ATL2: variants seen among roughly 807,000 people sequenced by gnomAD.
ATL2 encodes the protein atlastin-2.
A neutral mutation model predicts 73.9 loss-of-function variants in ATL2; 31 were observed. The ratio of observed to expected loss-of-function variants is 0.42; its 90% CI spans 0.32 to 0.57. The LOEUF (loss-of-function observed/expected upper bound fraction) is 0.57. Ranked by LOEUF, ATL2 falls within the 20% of genes least tolerant of loss-of-function variation. ATL2 has a pLI of 0.14. For synonymous variants in ATL2, 291 were observed against 237.5 expected, an observed-to-expected ratio of 1.23 and a Z score of -2.07; for missense variants, 738 against 702.6, an observed-to-expected ratio of 1.05 and a Z score of -0.57.
chr2:38,331,867 C>T (rs1271471930), intron 2 of ATL2, among the ~76,000 whole-genome samples: 2 of 151,564 alleles, frequency 1.3e-5, no homozygotes, highest in Non-Finnish European at 2.9e-5. Context: ...ATGTAATTAA[C>T]ATTATATATT....
chr2:38,366,340 A>G (rs1671330406), intron 1 of ATL2, among the ~76,000 whole-genome samples: 1 of 152,232 alleles, frequency 6.6e-6, no homozygotes, highest in Non-Finnish European at 1.5e-5. Flanking sequence ...CTATTTGGCT[A>G]CAGGAAAATA....
Position 38,319,035 on chromosome 2 carries a change from A to G in ATL2, c.364-16T>C. The G allele has an allele frequency of 6.2e-7, 1 of 1,607,164 alleles. No individual in the cohort carries two copies. The highest frequency in any genetic ancestry group is 1.7e-4 in the Middle Eastern group (1 of 6,038). On this transcript the variant is annotated splice_polypyrimidine_tract_variant and intron_variant, in intron 2 of 12. Coordinates refer to ENST00000378954, the MANE Select transcript of ATL2 (RefSeq NM_001135673.4). ...TTTGAGAATCCTGTTAAAGTCAAGGATAAATGTAAAATACAACACAATTAA... is the reference window on the plus strand; with the variant it reads ...TTTGAGAATCCTGTTAAAGTCAAGGGTAAATGTAAAATACAACACAATTAA...
rs948139375 is a variant in ATL2, at chr2:38,376,308, G to A, written c.118+835C>T. ...GCGCTGCCAACGCAACTGCGTCTTC[G>A]AGGGGGCAGGGGCGCTCCTGGTACA... On this transcript the variant is annotated intron_variant, in intron 1 of 12. Transcript: ENST00000378954. 3.8e-6 allele frequency: 5 copies of A among 1,305,770 alleles called. No homozygotes were observed. The Admixed American group carries it at 1.2e-4, about 30-fold the overall frequency. The allele number at this position is 1,305,770 out of a possible 1,614,324, so 80.9% of individuals were successfully genotyped here. A position where few individuals can be genotyped will look rare whatever the true frequency, so the allele number is the denominator to read the frequency against.
At chr2:38,357,752 C>G (rs1249022167) in intron 1 of ATL2, among the ~76,000 whole-genome samples, 1 of 150,300 alleles carries the variant, frequency 6.7e-6, no homozygotes, top group East Asian at 1.9e-4. Flanking sequence ...ATAGAACATA[C>G]ATATACACCC....
At chr2:38,370,153 A>G (rs1671589535) in intron 1 of ATL2, among the ~76,000 whole-genome samples, 1 of 142,478 alleles carries the variant, frequency 7.0e-6, no homozygotes, top group Non-Finnish European at 1.5e-5. Flanking sequence ...ACTCCGTCAA[A>G]AAAAAAAAAA....
Position 38,310,339 on chromosome 2 carries a change from T to C in ATL2, c.913A>G (p.Thr305Ala), listed in dbSNP as rs138223839. The C allele has an allele frequency of 8.3e-5, 134 of 1,612,708 alleles. 1 individual carries two copies. Among genetic ancestry groups the C allele is most frequent in the Non-Finnish European group, 1.0e-4 (121 of 1,179,628 alleles). The change falls in exon 8 of 13, where the codon ACT becomes GCT. Residue 305 changes from threonine (T) to alanine (A), a missense_variant. Thr to Ala is a moderately conservative substitution (Grantham distance 58). Transcript: ENST00000378954. The stretch of plus-strand genomic sequence containing the variant: ...AATCTCCCATCAAAACTAGGATTAG[T>C]TGCAACTTTAAGACCAGGATGTGGC... ...LLPHPGLKVA[T>A]NPSFDGRLKD...
chr2:38,322,080 C>T (rs1480200752), intron 2 of ATL2, among the ~76,000 whole-genome samples: 5 of 151,974 alleles, frequency 3.3e-5, no homozygotes, highest in Non-Finnish European at 7.4e-5. Context: ...TTGTGAGTCT[C>T]TTGAGAGCAA....
At chr2:38,348,148 T>C (rs949714957) in intron 1 of ATL2, among the ~76,000 whole-genome samples, 8 of 152,036 alleles carry the variant, frequency 5.3e-5, no homozygotes, top group African/African-American at 1.7e-4. Flanking sequence ...GTATTAAGTA[T>C]ACGTAACACA....
intron 2 of ATL2, among the ~76,000 whole-genome samples, chr2:38,324,856 G>A (rs1346259225): frequency 6.6e-6 from 1 of 152,222 alleles, no homozygotes; most frequent in Non-Finnish European, 1.5e-5. Flanking sequence ...ACAGAAAGTA[G>A]AATGGTGGAT....
intron 2 of ATL2, among the ~76,000 whole-genome samples, chr2:38,331,045 G>A (rs761312049): frequency 6.6e-6 from 1 of 152,320 alleles, no homozygotes; most frequent in Non-Finnish European, 1.5e-5. Context: ...GCTCACGCCT[G>A]TAATCCTAGC....
chr2:38,324,170 C>T lies in ATL2; in HGVS notation c.364-5151G>A, dbSNP rs531591127. On this transcript the variant is annotated intron_variant, in intron 2 of 12. Coordinates refer to ENST00000378954, the MANE Select transcript of ATL2 (RefSeq NM_001135673.4). ...GTGCATGCCTGTAATCTCAGCTACT[C>T]GGGAGGCTGAGGCAGGAAAATCGCT... is the stretch of plus-strand genomic sequence containing the variant. 6.2e-4 allele frequency among the ~76,000 whole-genome samples: 94 copies of T among 152,192 alleles called. 1 individual carries two copies. The highest frequency in any genetic ancestry group is 2.2e-3 in the African/African-American group (91 of 41,524).
At chr2:38,360,115 C>T (rs1573573147) in intron 1 of ATL2, among the ~76,000 whole-genome samples, 1 of 111,516 alleles carries the variant, frequency 9.0e-6, no homozygotes, top group Non-Finnish European at 1.7e-5. Flanking sequence ...CTGGGCAGAG[C>T]AAGGCTCCAT....
rs778821586 is a variant in ATL2 at position 38,352,133 on chromosome 2, CAAAA to C, written c.119-8625_119-8622del. On this transcript the variant is annotated intron_variant, in intron 1 of 12. Coordinates refer to ENST00000378954, the MANE Select transcript of ATL2 (RefSeq NM_001135673.4). ...TTCAAAAACAAACAAAAACAACAAC[CAAAA>C]AAAAAAAAAAAAAAAAAAAAAAACC... 6.9e-3 allele frequency among the ~76,000 whole-genome samples: 220 copies of C among 31,994 alleles called. 2 individuals carry two copies. Among genetic ancestry groups the C allele is most frequent in the Middle Eastern group, 0.018 (1 of 56 alleles). 21.0% of individuals were successfully genotyped at this position (31,994 alleles called of 152,430 possible). A position where few individuals can be genotyped will look rare whatever the true frequency, so the allele number is the denominator to read the frequency against.
chr2:38,328,863 G>GA (rs1668815182), intron 2 of ATL2, among the ~76,000 whole-genome samples: 1 of 151,078 alleles, frequency 6.6e-6, no homozygotes. Flanking sequence ...AATCACAACA[G>GA]AAAAAACAAA....
chr2:38,369,582 G>C (rs562916760), intron 1 of ATL2, among the ~76,000 whole-genome samples: 1 of 150,958 alleles, frequency 6.6e-6, no homozygotes, highest in Non-Finnish European at 1.5e-5. Flanking sequence ...CACCATGCTC[G>C]GCCAATTTTT....
chr2:38,321,258 T>C (rs1668305518), intron 2 of ATL2, among the ~76,000 whole-genome samples: 1 of 152,186 alleles, frequency 6.6e-6, no homozygotes, highest in Non-Finnish European at 1.5e-5. Flanking sequence ...TAATTATTAT[T>C]ATTATTCCAC....
chr2:38,335,137 G>A (rs1324171931), intron 2 of ATL2, among the ~76,000 whole-genome samples: 4 of 151,250 alleles, frequency 2.6e-5, no homozygotes, highest in South Asian at 2.1e-4. Flanking sequence ...CTCTCACACT[G>A]CTGATGGAAG....
intron 6 of ATL2, among the ~76,000 whole-genome samples, chr2:38,314,022 A>G (rs1280189566): frequency 6.6e-6 from 1 of 152,236 alleles, no homozygotes; most frequent in East Asian, 1.9e-4. Context: ...GGCAGAATCA[A>G]TGTAAACCCA....
chr2:38,354,094 A>G, intron 1 of ATL2: 1 of 381,498 alleles, frequency 2.6e-6, no homozygotes, highest in Non-Finnish European at 5.2e-6. Flanking sequence ...TGGGAGGCTG[A>G]GGCAGAGGAA....
Sources: allele counts gnomAD v4.1 joint callset (sites outside exome capture counted in the v4.1 genomes callset), GRCh38; gene constraint gnomAD v4.1.1; transcripts MANE v1.5; gene names NCBI Gene and HGNC (gene_info 2026-07-23, HGNC 2026-07-21).